Variants in CD99L2 observed in about 807,000 individuals in gnomAD.
The protein encoded by CD99L2 is CD99 antigen-like protein 2.
In CD99L2, 24 loss-of-function variants were observed where a neutral mutation model predicts 27.3. That is an observed-to-expected ratio of 0.88 (90% CI 0.64 to 1.24). The LOEUF (loss-of-function observed/expected upper bound fraction) is 1.24. Ranked by LOEUF, CD99L2 falls within the 50% of genes most tolerant of loss-of-function variation. The probability of loss-of-function intolerance (pLI) is 0.00; values close to 1 mark genes in which losing one functional copy is unlikely to be tolerated. For synonymous variants in CD99L2, 97 were observed against 87.9 expected, an observed-to-expected ratio of 1.10 and a Z score of -0.58; for missense variants, 255 against 221.6, an observed-to-expected ratio of 1.15 and a Z score of -0.96.
intron 2 of CD99L2, among the ~76,000 whole-genome samples, chrX:150,820,846 T>C (rs782355988): frequency 9.0e-6 from 1 of 111,534 alleles, no homozygotes; most frequent in South Asian, 3.7e-4. Context: ...AAGATCAACA[T>C]GAAAATCAGC....
chrX:150,776,161 T>C lies in CD99L2; in HGVS notation c.655+13A>G, dbSNP rs782653660. 2 of 1,208,810 alleles carry C rather than the reference T, an allele frequency of 1.7e-6. No individual in the cohort carries two copies. Among genetic ancestry groups the C allele is most frequent in the Non-Finnish European group, 2.2e-6 (2 of 894,166 alleles). The stretch of plus-strand genomic sequence containing the variant: ...CAGCTGGTTCCTAGCCACGAGTGGG[T>C]GGCTGCACTTACGCTGAATGCTGAA... On this transcript the variant is annotated intron_variant, in intron 9 of 10. Coordinates refer to ENST00000370377, the MANE Select transcript of CD99L2 (RefSeq NM_031462.4).
chrX:150,803,467 G>A (rs1407096232), intron 4 of CD99L2, among the ~76,000 whole-genome samples: 14 of 111,765 alleles, frequency 1.3e-4, no homozygotes, highest in African/African-American at 4.2e-4. Context: ...ACAGGCCCTA[G>A]AAGAACCTTA....
intron 9 of CD99L2, among the ~76,000 whole-genome samples, chrX:150,771,017 A>G (rs1418090152): frequency 8.9e-6 from 1 of 112,446 alleles, no homozygotes; most frequent in Non-Finnish European, 1.9e-5. Context: ...GACTGTACCA[A>G]GCATTCCCTC....
chrX:150,836,140 T>G (rs1307313322), intron 1 of CD99L2, among the ~76,000 whole-genome samples: 2 of 111,470 alleles, frequency 1.8e-5, no homozygotes, highest in East Asian at 5.7e-4. Context: ...TAGTTTGTCA[T>G]AAGGGTGTAT....
rs782551594 is a variant in CD99L2, at chrX:150,827,234, A to G, written c.130+3997T>C. On this transcript the variant is annotated intron_variant, in intron 2 of 10. Transcript: ENST00000370377. Reference sequence around the variant, plus strand: ...TGCAGAGAAGAACATTCTCTGCAAGATAAGTATCTGGACCAAGGTGAGGTG... The same window carrying G: ...TGCAGAGAAGAACATTCTCTGCAAGGTAAGTATCTGGACCAAGGTGAGGTG... Among the ~76,000 whole-genome samples the G allele has an allele frequency of 3.9e-4, 44 of 111,544 alleles. 1 individual carries two copies. Among genetic ancestry groups the G allele is most frequent in the Non-Finnish European group, 6.8e-4 (36 of 53,182 alleles).
rs2148699274 is a variant in CD99L2 at position 150,767,849 on chromosome X, C to CTTG, written c.*1184_*1185insCAA. 9.0e-6 allele frequency: 1 copy of CTTG among 111,483 alleles called. No individual in the cohort carries two copies. The highest frequency in any genetic ancestry group is 2.9e-4 in the East Asian group (1 of 3,486). 9.2% of individuals were successfully genotyped at this position (111,483 alleles called of 1,213,427 possible). ...GTCCCGTGAGCCTCTGACAACAGAG[C>CTTG]TCACCGGGACAGAACCATATGTGGG... On this transcript the variant is annotated 3_prime_UTR_variant, in exon 11 of 11. Coordinates refer to ENST00000370377, the MANE Select transcript of CD99L2 (RefSeq NM_031462.4).
intron 4 of CD99L2, among the ~76,000 whole-genome samples, chrX:150,802,583 AT>A (rs781989087): frequency 0.066 from 5,622 of 84,853 alleles, 304 homozygotes; most frequent in African/African-American, 0.16. Context: ...AGAAAAGACA[AT>A]TTTTTTTTTT....
intron 10 of CD99L2, among the ~76,000 whole-genome samples, chrX:150,769,911 A>G (rs1252193858): frequency 8.8e-6 from 1 of 113,143 alleles, no homozygotes; most frequent in African/African-American, 3.2e-5. Flanking sequence ...GGTTTTACCC[A>G]AGTTCCCTCT....
chrX:150,793,578 T>C, intron 7 of CD99L2, 113 bp downstream of exon 7: 1 of 587,604 alleles, frequency 1.7e-6, no homozygotes, highest in South Asian at 3.7e-5. Flanking sequence ...ACTGGCAGGC[T>C]GGGATGTCTG....
chrX:150,779,442 A>G (rs1364144470), intron 7 of CD99L2, among the ~76,000 whole-genome samples: 1 of 112,567 alleles, frequency 8.9e-6, no homozygotes, highest in Admixed American at 9.4e-5. Context: ...CTGTGAGGCT[A>G]AGAAACATCT....
intron 1 of CD99L2, among the ~76,000 whole-genome samples, chrX:150,836,402 A>C (rs1342245747): frequency 9.0e-6 from 1 of 110,769 alleles, no homozygotes; most frequent in African/African-American, 3.3e-5. Flanking sequence ...GGAGTGCAAT[A>C]GCGCAATCTC....
intron 7 of CD99L2, among the ~76,000 whole-genome samples, chrX:150,778,260 C>T (rs1473221097): frequency 9.0e-6 from 1 of 110,536 alleles, no homozygotes; most frequent in East Asian, 2.8e-4. Context: ...CCTTAATTAG[C>T]GTTGAGTTCA....
intron 9 of CD99L2, among the ~76,000 whole-genome samples, chrX:150,774,969 G>A (rs2043524972): frequency 8.9e-6 from 1 of 112,605 alleles, no homozygotes; most frequent in Non-Finnish European, 1.9e-5. Flanking sequence ...CAAGCAGGGT[G>A]GCCATGAACA....
intron 9 of CD99L2, among the ~76,000 whole-genome samples, chrX:150,772,705 C>A (rs2043482412): frequency 8.9e-6 from 1 of 112,501 alleles, no homozygotes; most frequent in Admixed American, 9.3e-5. Flanking sequence ...AAGACCTTGG[C>A]TCTGGACTGG....
At chrX:150,880,833 T>C (rs1557422474) in intron 1 of CD99L2, among the ~76,000 whole-genome samples, 1 of 111,989 alleles carries the variant, frequency 8.9e-6, no homozygotes, top group Non-Finnish European at 1.9e-5. Flanking sequence ...TGTGACTTTC[T>C]ACCACTATTT....
intron 2 of CD99L2, among the ~76,000 whole-genome samples, chrX:150,821,816 A>C (rs1176113371): frequency 8.9e-6 from 1 of 111,876 alleles, no homozygotes; most frequent in Non-Finnish European, 1.9e-5. Context: ...TGAAAACCAC[A>C]GTGAGGTCCC....
chrX:150,802,784 T>C (rs2045932963), intron 4 of CD99L2, among the ~76,000 whole-genome samples: 1 of 102,856 alleles, frequency 9.7e-6, no homozygotes. Flanking sequence ...GGTTTCACCG[T>C]GTTAGCCAGG....
chrX:150,883,174 A>C (rs1324681130), intron 1 of CD99L2, among the ~76,000 whole-genome samples: 1 of 111,923 alleles, frequency 8.9e-6, no homozygotes, highest in Non-Finnish European at 1.9e-5. Flanking sequence ...GGGCAACAAG[A>C]GCAAAACTCC....
At chrX:150,872,223 C>T (rs1198613873) in intron 1 of CD99L2, among the ~76,000 whole-genome samples, 1 of 109,771 alleles carries the variant, frequency 9.1e-6, no homozygotes, top group Non-Finnish European at 1.9e-5. Flanking sequence ...AGAGTGAGAC[C>T]CTGTCTCAAA....
Sources: allele counts gnomAD v4.1 joint callset (sites outside exome capture counted in the v4.1 genomes callset), GRCh38; gene constraint gnomAD v4.1.1; transcripts MANE v1.5; gene names NCBI Gene and HGNC (gene_info 2026-07-23, HGNC 2026-07-21).